Variants in PPP6R3 observed in about 807,000 individuals in gnomAD.
PPP6R3 encodes the protein serine/threonine-protein phosphatase 6 regulatory subunit 3.
Under a neutral mutation model 110.7 loss-of-function variants are expected in PPP6R3, and 38 were observed. The observed-to-expected ratio is 0.34, with a 90% confidence interval of 0.26 to 0.45. The LOEUF (loss-of-function observed/expected upper bound fraction) is 0.45, where lower values mean the gene tolerates loss of function less well. Ranked by LOEUF, PPP6R3 falls within the 20% of genes least tolerant of loss-of-function variation. The pLI, the probability that PPP6R3 is intolerant of heterozygous loss-of-function variation, is 1.00. For synonymous variants in PPP6R3, 369 were observed against 373.5 expected (o/e 0.99, Z 0.14); for missense variants, 870 against 1,062.4 (o/e 0.82, Z 2.52).
At chr11:68,586,642 T>A (rs1469292178) in intron 15 of PPP6R3, 1 of 152,236 alleles carries the variant, frequency 6.6e-6, no homozygotes, top group East Asian at 1.9e-4. Flanking sequence ...GTTCTCTCTG[T>A]CTAGTCAAAC....
At chr11:68,532,592 C>G (rs187874842) in intron 2 of PPP6R3, among the ~76,000 whole-genome samples, 1 of 152,274 alleles carries the variant, frequency 6.6e-6, no homozygotes, top group African/African-American at 2.4e-5. Flanking sequence ...TACAGTGCTC[C>G]CATAAGATTA....
intron 14 of PPP6R3, among the ~76,000 whole-genome samples, chr11:68,580,841 G>A (rs1177617208): frequency 8.4e-6 from 1 of 119,180 alleles, no homozygotes; most frequent in East Asian, 2.9e-4. Context: ...GCACGATCTC[G>A]GCTCACTGCA....
intron 14 of PPP6R3, among the ~76,000 whole-genome samples, chr11:68,581,419 A>G (rs762258246): frequency 2.0e-5 from 3 of 152,252 alleles, no homozygotes; most frequent in Non-Finnish European, 4.4e-5. Flanking sequence ...ATCCTATTTT[A>G]ACTTAGACAG....
At chr11:68,518,662 T>C (rs1409578067) in intron 1 of PPP6R3, among the ~76,000 whole-genome samples, 1 of 152,238 alleles carries the variant, frequency 6.6e-6, no homozygotes, top group East Asian at 1.9e-4. Context: ...ATACTCGTTT[T>C]AATTTGCACC....
intron 23 of PPP6R3, among the ~76,000 whole-genome samples, chr11:68,611,512 G>C (rs1359075032): frequency 1.3e-5 from 2 of 152,188 alleles, no homozygotes; most frequent in African/African-American, 4.8e-5. Flanking sequence ...GAAAAGATGG[G>C]GTCAGCCAGT....
chr11:68,514,667 T>TTC (rs2099127112), intron 1 of PPP6R3, among the ~76,000 whole-genome samples: 1 of 151,388 alleles, frequency 6.6e-6, no homozygotes, highest in Non-Finnish European at 1.5e-5. Flanking sequence ...TCACTGCAAC[T>TTC]TCTGTCTCCC....
At chr11:68,524,208 T>C (rs640678) in intron 2 of PPP6R3, among the ~76,000 whole-genome samples, 152,085 of 152,304 alleles carry the variant, frequency 1, 75,934 homozygotes, top group Middle Eastern at 1. Context: ...TTTGCTTCTA[T>C]TGCTTGTAGA....
intron 11 of PPP6R3, 102 bp from the exon 12 acceptor site, chr11:68,570,938 A>G (rs768056952): frequency 2.2e-6 from 3 of 1,390,180 alleles, no homozygotes; most frequent in Non-Finnish European, 2.9e-6. Context: ...TTAGCTTGCT[A>G]GATTATGCAT....
At chr11:68,607,721 A>G (rs1940991903) in intron 22 of PPP6R3, among the ~76,000 whole-genome samples, 3 of 151,904 alleles carry the variant, frequency 2.0e-5, no homozygotes, top group Non-Finnish European at 4.4e-5. Flanking sequence ...TCATCTATCT[A>G]TCTATCTGTC....
chr11:68,507,246 ATTTTT>A (rs58191278), intron 1 of PPP6R3, among the ~76,000 whole-genome samples: 9 of 114,970 alleles, frequency 7.8e-5, no homozygotes, highest in Non-Finnish European at 1.4e-4. Context: ...GTCTTTTTGC[ATTTTT>A]TTTTTTTTTT....
At chr11:68,526,193 G>A (rs1295811052) in intron 2 of PPP6R3, among the ~76,000 whole-genome samples, 1 of 152,040 alleles carries the variant, frequency 6.6e-6, no homozygotes, top group Non-Finnish European at 1.5e-5. Context: ...AATCTTGGAT[G>A]CTTCAGATGG....
At chr11:68,554,785 C>A (rs1196592129) in intron 7 of PPP6R3, among the ~76,000 whole-genome samples, 1 of 152,190 alleles carries the variant, frequency 6.6e-6, no homozygotes, top group African/African-American at 2.4e-5. Flanking sequence ...ATTTGACCTG[C>A]ATTCAAACAG....
chr11:68,576,927 G>C (rs902708689), intron 14 of PPP6R3, among the ~76,000 whole-genome samples: 6 of 152,212 alleles, frequency 3.9e-5, no homozygotes, highest in Non-Finnish European at 7.3e-5. Context: ...TGGTCCTCCT[G>C]TGTCACTCCC....
At chr11:68,487,394 CT>C (rs2098954604) in intron 1 of PPP6R3, among the ~76,000 whole-genome samples, 1 of 151,756 alleles carries the variant, frequency 6.6e-6, no homozygotes, top group Non-Finnish European at 1.5e-5. Context: ...CATGGCAAAA[CT>C]CTATCTCCAC....
At chr11:68,466,967 C>A (rs1266111757) in intron 1 of PPP6R3, among the ~76,000 whole-genome samples, 1 of 137,976 alleles carries the variant, frequency 7.2e-6, no homozygotes, top group Non-Finnish European at 1.6e-5. Flanking sequence ...AGGATGGTCT[C>A]GATCTCTTAG....
At chr11:68,483,724 C>T (rs1338330853) in intron 1 of PPP6R3, among the ~76,000 whole-genome samples, 7 of 152,196 alleles carry the variant, frequency 4.6e-5, no homozygotes, top group African/African-American at 9.7e-5. Flanking sequence ...TCAGGTGATC[C>T]GCCTTCTTTG....
intron 2 of PPP6R3, among the ~76,000 whole-genome samples, chr11:68,535,829 G>A (rs914361821): frequency 3.3e-5 from 5 of 150,170 alleles, no homozygotes; most frequent in African/African-American, 9.9e-5. Flanking sequence ...AAAATCAGCC[G>A]GGTGTGATGG....
intron 14 of PPP6R3, among the ~76,000 whole-genome samples, chr11:68,578,077 T>C (rs1274331275): frequency 1.3e-5 from 2 of 152,298 alleles, no homozygotes; most frequent in African/African-American, 4.8e-5. Flanking sequence ...GTCCTTCTGA[T>C]AGGGAGTTTT....
chr11:68,486,012 A>C (rs1477406164), intron 1 of PPP6R3, among the ~76,000 whole-genome samples: 1 of 139,722 alleles, frequency 7.2e-6, no homozygotes, highest in African/African-American at 2.6e-5. Flanking sequence ...CTTAACTAAA[A>C]ATACAAGAAA....
Sources: allele counts gnomAD v4.1 joint callset (sites outside exome capture counted in the v4.1 genomes callset), GRCh38; gene constraint gnomAD v4.1.1; transcripts MANE v1.5; gene names NCBI Gene and HGNC (gene_info 2026-07-23, HGNC 2026-07-21).